GIT2: variants seen among roughly 807,000 people sequenced by gnomAD.
GIT2 encodes the protein GIT ArfGAP 2, also known as ARF GTPase-activating protein GIT2.
Under a neutral mutation model 100.3 loss-of-function variants are expected in GIT2, and 32 were observed. The ratio of observed to expected loss-of-function variants is 0.32; its 90% CI spans 0.24 to 0.43. The LOEUF is 0.43. GIT2 is among the 20% of genes least tolerant of loss of function. The probability of loss-of-function intolerance (pLI) is 1.00; values close to 1 mark genes in which losing one functional copy is unlikely to be tolerated. For synonymous variants in GIT2, 353 were observed against 364.1 expected, an observed-to-expected ratio of 0.97 and a Z score of 0.35; for missense variants, 737 against 975.1, an observed-to-expected ratio of 0.76 and a Z score of 3.25.
At chr12:109,942,484 C>T (rs1056727227) in intron 16 of GIT2, among the ~76,000 whole-genome samples, 2 of 152,128 alleles carry the variant, frequency 1.3e-5, no homozygotes, top group Admixed American at 6.5e-5. Flanking sequence ...CAGGCACCCA[C>T]CGCCACACCT....
chr12:109,980,997 C>T lies in GIT2; in HGVS notation c.673G>A (p.Glu225Lys). 2 of 1,613,484 alleles carry T rather than the reference C, an allele frequency of 1.2e-6. No individual in the cohort carries two copies. The highest frequency in any genetic ancestry group is 1.7e-6 in the Non-Finnish European group (2 of 1,179,376). ...LAERLVEIQY[E>K]LTDRLAFYLC... ...TAGAAGGCTAGTCTGTCCGTTAGCT[C>T]ATACTGTATTTCCACGAGGCGCTCT... The change falls in exon 7 of 20, where the codon GAG becomes AAG. Residue 225 changes from glutamate (E) to lysine (K), a missense_variant. Transcript: ENST00000355312.
rs34393850 is a variant in GIT2 at position 109,994,075 on chromosome 12, C to CAA, written c.52+2096_52+2097dup. Among the ~76,000 whole-genome samples, 510 of 59,454 alleles carry CAA rather than the reference C, an allele frequency of 8.6e-3. 4 individuals are homozygous for CAA. Among genetic ancestry groups the CAA allele is most frequent in the Middle Eastern group, 0.02 (2 of 102 alleles). 39.0% of individuals were successfully genotyped at this position (59,454 alleles called of 152,430 possible). A position where few individuals can be genotyped will look rare whatever the true frequency, so the allele number is the denominator to read the frequency against. ...TGCAGTATAGTACTGACACTAATGG[C>CAA]AAAAAAAAAAAAAAAAAAAAAAGAC... On this transcript the variant is annotated intron_variant, in intron 1 of 19. Transcript: ENST00000355312.
intron 12 of GIT2, among the ~76,000 whole-genome samples, chr12:109,955,444 A>G (rs1426252233): frequency 6.6e-6 from 1 of 152,118 alleles, no homozygotes; most frequent in East Asian, 1.9e-4. Flanking sequence ...GTTATGTTCT[A>G]AAAAGTTGCT....
intron 12 of GIT2, among the ~76,000 whole-genome samples, chr12:109,957,086 T>C (rs1190501646): frequency 6.6e-6 from 1 of 152,066 alleles, no homozygotes; most frequent in Non-Finnish European, 1.5e-5. Context: ...ATAGTATAAA[T>C]GTTTCTTCCC....
upstream of GIT2, chr12:109,999,811 C>G (rs1269836713): frequency 2.6e-6 from 4 of 1,513,176 alleles, no homozygotes; most frequent in African/African-American, 4.2e-5. This position sits in a 1 kb window ranked among gnomAD's most constrained non-coding sequence, Gnocchi z 4.3. Context: ...GGGTCCGTCT[C>G]CCGGTGGGGA....
At chr12:109,999,825 C>T (rs1402518996), upstream of GIT2, 17 of 1,475,554 alleles carry the variant, frequency 1.2e-5, no homozygotes, top group Non-Finnish European at 1.5e-5. This position sits in a 1 kb window ranked among gnomAD's most constrained non-coding sequence, Gnocchi z 4.3. Context: ...GTGGGGACTT[C>T]GGGGAATCGG....
chr12:109,941,200 T>A (rs1382254525), intron 16 of GIT2, among the ~76,000 whole-genome samples: 1 of 152,206 alleles, frequency 6.6e-6, no homozygotes, highest in Non-Finnish European at 1.5e-5. Flanking sequence ...TATGAACTCG[T>A]GCATCCTGAA....
At chr12:109,998,493 A>G (rs1889753443), upstream of GIT2, 1 of 152,270 alleles carries the variant, frequency 6.6e-6, no homozygotes, top group African/African-American at 2.4e-5. Context: ...GCAGCAGCAG[A>G]AAGTTCAAGC....
At chr12:109,999,932 G>T, upstream of GIT2, 1 of 590,736 alleles carries the variant, frequency 1.7e-6, no homozygotes, top group Non-Finnish European at 2.7e-6. This position sits in a 1 kb window ranked among gnomAD's most constrained non-coding sequence, Gnocchi z 4.3. Context: ...CTAATAATAG[G>T]ACACGTATCG....
In GIT2 at chr12:109,961,693, T is replaced by A; in HGVS notation, c.817-8A>T. 1 of 1,531,840 alleles carries A rather than the reference T, an allele frequency of 6.5e-7. No homozygotes were observed. Among genetic ancestry groups the A allele is most frequent in the South Asian group, 1.1e-5 (1 of 89,436 alleles). 94.9% of individuals were successfully genotyped at this position (1,531,840 alleles called of 1,614,324 possible). On this transcript the variant is annotated splice_polypyrimidine_tract_variant and splice_region_variant and intron_variant, in intron 9 of 19. Transcript: ENST00000355312. ...AAACAAATGATTACTTAGCTGAAAA[T>A]AAAAAATATCAGGAACACAAGGGAC...
intron 7 of GIT2, among the ~76,000 whole-genome samples, chr12:109,968,888 A>AT (rs1310330359): frequency 6.6e-6 from 1 of 151,476 alleles, no homozygotes; most frequent in Non-Finnish European, 1.5e-5. Flanking sequence ...CACCCGGCTA[A>AT]TTTTTTTATA....
rs773886782 is a variant in GIT2 at position 109,929,994 on chromosome 12, A to G, written c.*2984T>C. The G allele has an allele frequency of 6.6e-6, 1 of 152,530 alleles. No homozygotes were observed. The highest frequency in any genetic ancestry group is 1.5e-5 in the Non-Finnish European group (1 of 68,040). The allele number at this position is 152,530 out of a possible 1,614,324, so 9.4% of individuals were successfully genotyped here. ...CTATGCAGCATTTTCTTTTCTAGGA[A>G]CACGTTACCTTCAACCAGGACAAGG... On this transcript the variant is annotated 3_prime_UTR_variant, in exon 20 of 20. Coordinates refer to ENST00000355312, the MANE Select transcript of GIT2 (RefSeq NM_057169.5).
At position 109,947,753 on chromosome 12, in the gene GIT2, T is replaced by A. The variant is rs568568042; in HGVS notation, c.1393-249A>T. The A allele has an allele frequency of 4.2e-6, 2 of 475,360 alleles. No individual in the cohort carries two copies. The highest frequency in any genetic ancestry group is 3.8e-6 in the Non-Finnish European group (1 of 265,600). The allele number at this position is 475,360 out of a possible 1,614,324, so 29.4% of individuals were successfully genotyped here. ...AATGTGGAAAAGTTGTGGTTTGGACTTCCTCAAAACAAAATGTCTAACCAC... is the reference window on the plus strand; with the variant it reads ...AATGTGGAAAAGTTGTGGTTTGGACATCCTCAAAACAAAATGTCTAACCAC... On this transcript the variant is annotated intron_variant, in intron 14 of 19. Transcript: ENST00000355312. The surrounding 1 kb of genome is among the most constrained non-coding windows in gnomAD (Gnocchi z 4.3).
rs1169857094 is a variant in GIT2 at position 109,930,039 on chromosome 12, ATTGG to A, written c.*2935_*2938del. On this transcript the variant is annotated 3_prime_UTR_variant, in exon 20 of 20. Transcript: ENST00000355312. The stretch of plus-strand genomic sequence containing the variant: ...ACAAGGAAAGAAAGAAAACTATACT[ATTGG>A]AAAGCTCATGGGTGCCATTGAGGAC... The A allele has an allele frequency of 6.6e-6, 1 of 152,564 alleles. No individual in the cohort carries two copies. The highest frequency in any genetic ancestry group is 1.9e-4 in the East Asian group (1 of 5,198). 9.5% of individuals were successfully genotyped at this position (152,564 alleles called of 1,614,324 possible). A position where few individuals can be genotyped will look rare whatever the true frequency, so the allele number is the denominator to read the frequency against.
At chr12:109,980,580 T>C (rs1014087616) in intron 7 of GIT2, among the ~76,000 whole-genome samples, 2 of 152,112 alleles carry the variant, frequency 1.3e-5, no homozygotes, top group African/African-American at 2.4e-5. Flanking sequence ...ACTTCTGGAC[T>C]TTTTTTCCAT....
In GIT2 at chr12:109,931,824, C is replaced by G. The variant is rs1446110294; in HGVS notation, c.*1154G>C. On this transcript the variant is annotated 3_prime_UTR_variant, in exon 20 of 20. Coordinates refer to ENST00000355312, the MANE Select transcript of GIT2 (RefSeq NM_057169.5). Reference sequence around the variant, plus strand: ...TTCCAGCACTTCAACCTTACTCTTTCAGAGCTTTGGGGTAGCAGGCAGCCA... The same window carrying G: ...TTCCAGCACTTCAACCTTACTCTTTGAGAGCTTTGGGGTAGCAGGCAGCCA... 1 of 152,236 alleles carries G rather than the reference C, an allele frequency of 6.6e-6. No homozygotes were observed. The highest frequency in any genetic ancestry group is 1.5e-5 in the Non-Finnish European group (1 of 68,046). 9.4% of individuals were successfully genotyped at this position (152,236 alleles called of 1,614,324 possible). A position where few individuals can be genotyped will look rare whatever the true frequency, so the allele number is the denominator to read the frequency against.
At chr12:109,988,592 C>T (rs1007624766) in intron 4 of GIT2, among the ~76,000 whole-genome samples, 17 of 152,006 alleles carry the variant, frequency 1.1e-4, no homozygotes, top group African/African-American at 3.9e-4. Flanking sequence ...CAGTGGCTCA[C>T]GCTTGCAATC....
chr12:109,966,923 A>G (rs1245850220), intron 8 of GIT2, among the ~76,000 whole-genome samples: 1 of 152,234 alleles, frequency 6.6e-6, no homozygotes, highest in Non-Finnish European at 1.5e-5. Context: ...GGCAAAAAGA[A>G]AAAACAATAT....
At chr12:109,949,008 T>G in intron 14 of GIT2, 1 of 584,610 alleles carries the variant, frequency 1.7e-6, no homozygotes. Context: ...AAAGTGTGAC[T>G]TACTGCCTCT....
Sources: allele counts gnomAD v4.1 joint callset (sites outside exome capture counted in the v4.1 genomes callset), GRCh38; gene constraint gnomAD v4.1.1; non-coding constraint Gnocchi (gnomAD v3.1); transcripts MANE v1.5; gene names NCBI Gene and HGNC (gene_info 2026-07-23, HGNC 2026-07-21).